The following ZBTB7C variants were observed in gnomAD, a reference collection of about 807,000 sequenced individuals.
ZBTB7C encodes the protein zinc finger and BTB domain-containing protein 7C.
ZBTB7C carries 8 observed loss-of-function variants against 25.7 expected under a neutral mutation model. That is an observed-to-expected ratio of 0.31 (90% CI 0.18 to 0.56). ZBTB7C has a LOEUF of 0.56. Among genes scored for constraint, ZBTB7C ranks in the 20% least tolerant of loss-of-function variants. The probability of loss-of-function intolerance (pLI) is 0.91; values close to 1 mark genes in which losing one functional copy is unlikely to be tolerated. For missense variants in ZBTB7C, 824 were observed against 855.2 expected, an observed-to-expected ratio of 0.96 and a Z score of 0.46; for synonymous variants, 394 against 369.0, an observed-to-expected ratio of 1.07 and a Z score of -0.78.
intron 2 of ZBTB7C, among the ~76,000 whole-genome samples, chr18:48,318,234 AC>A (rs2045998734): frequency 1.3e-5 from 2 of 152,018 alleles, no homozygotes; most frequent in South Asian, 2.1e-4. Context: ...ACCTAAAAAA[AC>A]AACCAAAAAA....
chr18:48,126,129 T>A (rs1227009617), intron 3 of ZBTB7C, among the ~76,000 whole-genome samples: 3 of 152,220 alleles, frequency 2.0e-5, no homozygotes, highest in African/African-American at 7.2e-5. Flanking sequence ...ATTTTCTATT[T>A]TCCTTTATTA....
At chr18:48,108,634 G>A (rs1003005197) in intron 3 of ZBTB7C, among the ~76,000 whole-genome samples, 3 of 152,044 alleles carry the variant, frequency 2.0e-5, no homozygotes, top group Admixed American at 6.6e-5. Context: ...TAGAGACAGG[G>A]TCTTGCTTTG....
intron 2 of ZBTB7C, among the ~76,000 whole-genome samples, chr18:48,243,270 CAA>C (rs57410285): frequency 0.011 from 968 of 88,266 alleles, 3 homozygotes; most frequent in African/African-American, 0.022. Context: ...TACCCCCCCA[CAA>C]AAAAAAAAAA....
rs1320857554 is a variant in ZBTB7C, at chr18:48,029,364, G to A, written c.1756C>T (p.Arg586Trp). 2.6e-6 allele frequency: 4 copies of A among 1,547,098 alleles called. No individual in the cohort carries two copies. Among genetic ancestry groups the A allele is most frequent in the East Asian group, 2.4e-5 (1 of 41,180 alleles). Residue 586 changes from arginine (R) to tryptophan (W), a missense_variant, in exon 5 of 5, where the codon CGG becomes TGG. Coordinates refer to ENST00000590800, the MANE Select transcript of ZBTB7C (RefSeq NM_001318841.2). ...GGGTCGGGCAGCGGGAAGTAGGGCCGCGCCGCCGCCACGTTCTCGGCCAGC... is the reference window on the plus strand; with the variant it reads ...GGGTCGGGCAGCGGGAAGTAGGGCCACGCCGCCGCCACGTTCTCGGCCAGC... ...FALAENVAAA[R>W]PYFPLPDPWA...
intron 2 of ZBTB7C, among the ~76,000 whole-genome samples, chr18:48,269,440 C>T (rs574608657): frequency 3.7e-4 from 56 of 152,340 alleles, no homozygotes; most frequent in African/African-American, 1.3e-3. Context: ...GGAGGTTAGG[C>T]TTCAACACAT....
chr18:48,330,009 A>T (rs1053421222), intron 2 of ZBTB7C, among the ~76,000 whole-genome samples: 2 of 152,234 alleles, frequency 1.3e-5, no homozygotes, highest in African/African-American at 4.8e-5. Context: ...ACTCAACATC[A>T]GGGCTCTCTG....
intron 3 of ZBTB7C, among the ~76,000 whole-genome samples, chr18:48,116,934 C>T (rs997272033): frequency 6.6e-6 from 1 of 152,114 alleles, no homozygotes; most frequent in Non-Finnish European, 1.5e-5. Flanking sequence ...GGCAGGGGCT[C>T]TATGTTATAA....
At chr18:48,377,783 C>G (rs984007398) in intron 1 of ZBTB7C, among the ~76,000 whole-genome samples, 18 of 152,168 alleles carry the variant, frequency 1.2e-4, no homozygotes, top group Non-Finnish European at 2.6e-4. Flanking sequence ...AAGCTGAGAA[C>G]CACCCCCATT....
intron 3 of ZBTB7C, chr18:48,185,331 T>C: frequency 2.2e-6 from 1 of 449,974 alleles, no homozygotes; most frequent in South Asian, 1.6e-5. Flanking sequence ...CACCTGGTCA[T>C]AAAGTTCTTT....
chr18:48,229,031 C>T (rs886137968), intron 2 of ZBTB7C, among the ~76,000 whole-genome samples: 2 of 152,126 alleles, frequency 1.3e-5, no homozygotes, highest in African/African-American at 4.8e-5. Context: ...TGAAGACAGC[C>T]GGGGTCATGG....
At chr18:48,357,564 C>G (rs1190579840) in intron 1 of ZBTB7C, among the ~76,000 whole-genome samples, 4 of 152,150 alleles carry the variant, frequency 2.6e-5, no homozygotes, top group African/African-American at 9.7e-5. Context: ...GTGTAGGACT[C>G]CTCAATTTGC....
intron 1 of ZBTB7C, among the ~76,000 whole-genome samples, chr18:48,401,081 G>A (rs1276080258): frequency 6.6e-6 from 1 of 152,164 alleles, no homozygotes; most frequent in African/African-American, 2.4e-5. Context: ...GAAGGAGGGA[G>A]GGATCCTAGC....
chr18:48,376,854 G>A (rs934896407), intron 1 of ZBTB7C, among the ~76,000 whole-genome samples: 3 of 152,192 alleles, frequency 2.0e-5, no homozygotes, highest in African/African-American at 2.4e-5. Context: ...TCAGCCTCTC[G>A]CCTGTCTCCT....
At chr18:48,081,288 G>C (rs1288640264) in intron 3 of ZBTB7C, among the ~76,000 whole-genome samples, 1 of 152,074 alleles carries the variant, frequency 6.6e-6, no homozygotes, top group African/African-American at 2.4e-5. Flanking sequence ...GGGGCATCGA[G>C]TCTGCACCTT....
At chr18:48,335,341 C>T (rs1047197985) in intron 2 of ZBTB7C, among the ~76,000 whole-genome samples, 1 of 152,172 alleles carries the variant, frequency 6.6e-6, no homozygotes, top group African/African-American at 2.4e-5. Flanking sequence ...ATTTAGTCCT[C>T]ATAGTTACCT....
intron 2 of ZBTB7C, among the ~76,000 whole-genome samples, chr18:48,245,092 G>GTATATATATATATATATA (rs1397704476): frequency 0.011 from 1,434 of 125,392 alleles, 8 homozygotes; most frequent in Middle Eastern, 0.025. Context: ...GTGTGTGTGT[G>GTATATATATATATATATA]TATATATATA....
At chr18:48,329,014 C>G (rs1337186274) in intron 2 of ZBTB7C, among the ~76,000 whole-genome samples, 3 of 152,144 alleles carry the variant, frequency 2.0e-5, no homozygotes, top group African/African-American at 7.2e-5. Flanking sequence ...AAATGGATGG[C>G]TGGTCTCAGT....
At chr18:48,400,364 G>A (rs1031286932) in intron 1 of ZBTB7C, among the ~76,000 whole-genome samples, 4 of 152,354 alleles carry the variant, frequency 2.6e-5, no homozygotes, top group African/African-American at 9.6e-5. Flanking sequence ...CACCAGAGCT[G>A]AAATGGCTCT....
intron 3 of ZBTB7C, among the ~76,000 whole-genome samples, chr18:48,073,391 G>A (rs577210828): frequency 2.0e-5 from 3 of 152,294 alleles, no homozygotes; most frequent in East Asian, 1.9e-4. Context: ...GCCACCAGGC[G>A]CCCAGCCTGA....
Sources: gnomAD v4.1 joint callset for allele counts (sites outside exome capture counted in the v4.1 genomes callset) on GRCh38, gnomAD v4.1.1 for gene constraint, MANE v1.5 for transcripts, NCBI Gene and HGNC (gene_info 2026-07-23, HGNC 2026-07-21) for gene names.